Variants in USH2A observed in about 807,000 individuals in gnomAD.
USH2A encodes the protein usherin.
USH2A carries 443 observed loss-of-function variants against 538.9 expected under a neutral mutation model. The observed-to-expected ratio is 0.82, with a 90% CI of 0.76 to 0.89. USH2A has a LOEUF of 0.89. Among genes scored for constraint, USH2A ranks in the 40% least tolerant of loss-of-function variants. USH2A has a pLI of 0.00. For synonymous variants in USH2A, 2,413 were observed against 2,273.5 expected, an observed-to-expected ratio of 1.06 and a Z score of -1.75; for missense variants, 6,633 against 6,324.8, an observed-to-expected ratio of 1.05 and a Z score of -1.65.
At position 216,099,578 on chromosome 1, in the gene USH2A, A is replaced by G. The variant is rs1415725237; in HGVS notation, c.4628-2365T>C. The stretch of plus-strand genomic sequence containing the variant: ...TGTAGGGAGGAGACGTAACTTAGCT[A>G]CACAGAAAAGAGGTGAGTGCTGTGC... On this transcript the variant is annotated intron_variant, in intron 21 of 71. Transcript: ENST00000307340. Among the ~76,000 whole-genome samples the G allele has an allele frequency of 2.6e-5, 4 of 152,194 alleles. No homozygotes were observed. The South Asian group carries it at 8.3e-4, about 31-fold the overall frequency.
rs401269 is a variant in USH2A at position 216,174,110 on chromosome 1, C to A, written c.4627+1142G>T. 0.23 allele frequency: 222,329 copies of A among 984,212 alleles called. 25,378 individuals carry two copies. The highest frequency in any genetic ancestry group is 0.23 in the Non-Finnish European group (192,673 of 829,060). 61.0% of individuals were successfully genotyped at this position (984,212 alleles called of 1,614,324 possible). ...ATAATCATGATTCATTACCAAGGTGCATCAGCAGCCAGTCTCAATGAAAAG... is the reference window on the plus strand; with the variant it reads ...ATAATCATGATTCATTACCAAGGTGAATCAGCAGCCAGTCTCAATGAAAAG... On this transcript the variant is annotated intron_variant, in intron 21 of 71. Coordinates refer to ENST00000307340, the MANE Select transcript of USH2A (RefSeq NM_206933.4).
rs1208051101 is a variant in USH2A at position 215,658,085 on chromosome 1, C to T, written c.14134-7284G>A. ...AGTAGCCTGGGACTACAGGCGCACG[C>T]CACCCCGCCCGGCTAATTTTTTTGT... On this transcript the variant is annotated intron_variant, in intron 64 of 71. Transcript: ENST00000307340. 2.0e-5 allele frequency among the ~76,000 whole-genome samples: 3 copies of T among 151,862 alleles called. No individual in the cohort carries two copies. In the East Asian group the frequency reaches 5.8e-4, roughly 30 times the overall value.
At chr1:216,071,225 C>T (rs368386856) in intron 29 of USH2A, among the ~76,000 whole-genome samples, 19 of 152,174 alleles carry the variant, frequency 1.2e-4, no homozygotes, top group African/African-American at 3.4e-4. Flanking sequence ...TCCTCCTCTC[C>T]GACTTTACTG....
intron 49 of USH2A, among the ~76,000 whole-genome samples, chr1:215,802,014 G>A (rs1662348233): frequency 2.3e-5 from 3 of 133,250 alleles, no homozygotes; most frequent in South Asian, 4.7e-4. Flanking sequence ...ACCATTTAAT[G>A]AGGAAAGGAC....
chr1:215,750,820 T>C (rs930266992), intron 58 of USH2A, among the ~76,000 whole-genome samples: 5 of 152,074 alleles, frequency 3.3e-5, no homozygotes, highest in African/African-American at 7.2e-5. Flanking sequence ...TTTTCATTAG[T>C]AAAATGAGCA....
chr1:216,402,742 A>G (rs1328126679), intron 3 of USH2A, among the ~76,000 whole-genome samples: 1 of 152,170 alleles, frequency 6.6e-6, no homozygotes, highest in Non-Finnish European at 1.5e-5. Flanking sequence ...ATTAGTAGTT[A>G]CATTTTGGGG....
At chr1:216,248,439 A>G (rs2036094572) in intron 12 of USH2A, among the ~76,000 whole-genome samples, 1 of 152,050 alleles carries the variant, frequency 6.6e-6, no homozygotes, top group Admixed American at 6.6e-5. Context: ...ATTTCAAGCT[A>G]TAATTGCAAT....
At chr1:216,094,891 A>T (rs992271984) in intron 22 of USH2A, among the ~76,000 whole-genome samples, 2 of 152,042 alleles carry the variant, frequency 1.3e-5, no homozygotes, top group Non-Finnish European at 2.9e-5. Flanking sequence ...GTAAAATGGG[A>T]ATATGAAGAG....
chr1:216,174,374 C>G (rs915604853), intron 21 of USH2A: 7 of 984,378 alleles, frequency 7.1e-6, no homozygotes, highest in Non-Finnish European at 7.2e-6. Flanking sequence ...TTTTTTACAG[C>G]TATATTGAAA....
At chr1:215,683,992 C>T (rs1658332465) in intron 61 of USH2A, among the ~76,000 whole-genome samples, 1 of 152,134 alleles carries the variant, frequency 6.6e-6, no homozygotes, top group African/African-American at 2.4e-5. Flanking sequence ...TGTTAGGCAG[C>T]AGATGAAGAA....
In USH2A at chr1:216,340,913, C is replaced by T. The variant is rs373271805; in HGVS notation, c.785-13259G>A. ...ATACTGAATGGGCAAAAGCTGGAAGCATTCCCTTTGAAAACTGGCACAAGA... is the reference window on the plus strand; with the variant it reads ...ATACTGAATGGGCAAAAGCTGGAAGTATTCCCTTTGAAAACTGGCACAAGA... On this transcript the variant is annotated intron_variant, in intron 4 of 71. Transcript: ENST00000307340. 9.9e-5 allele frequency among the ~76,000 whole-genome samples: 15 copies of T among 152,212 alleles called. 1 individual carries two copies. Among genetic ancestry groups the T allele is most frequent in the Admixed American group, 4.6e-4 (7 of 15,282 alleles).
At chr1:216,314,371 T>C (rs1408120169) in intron 9 of USH2A, among the ~76,000 whole-genome samples, 1 of 152,062 alleles carries the variant, frequency 6.6e-6, no homozygotes, top group Non-Finnish European at 1.5e-5. Context: ...ATATATCAAA[T>C]GTAGATCCTA....
chr1:215,998,864 G>T, intron 34 of USH2A, 23 bp downstream of exon 34: 1 of 1,609,806 alleles, frequency 6.2e-7, no homozygotes. Flanking sequence ...TGGGGACAGA[G>T]AAAGTGATGG....
chr1:215,702,498 C>T (rs35869639), intron 61 of USH2A, among the ~76,000 whole-genome samples: 66,588 of 151,630 alleles, frequency 0.44, 14,869 homozygotes, highest in Middle Eastern at 0.57. Flanking sequence ...CCCCATATTT[C>T]TTGGAGCCTT....
At chr1:215,838,985 T>G (rs1266143866) in intron 46 of USH2A, among the ~76,000 whole-genome samples, 1 of 152,218 alleles carries the variant, frequency 6.6e-6, no homozygotes, top group Non-Finnish European at 1.5e-5. Context: ...CAGTTCTCTG[T>G]TCCTTTGGTG....
intron 58 of USH2A, among the ~76,000 whole-genome samples, chr1:215,751,352 C>T (rs1660615664): frequency 6.6e-6 from 1 of 152,038 alleles, no homozygotes; most frequent in Admixed American, 6.6e-5. Flanking sequence ...AGGAAAAGCA[C>T]CAGTATTTCT....
chr1:215,681,696 T>C (rs1571954473), intron 61 of USH2A, among the ~76,000 whole-genome samples: 1 of 152,144 alleles, frequency 6.6e-6, no homozygotes, highest in Non-Finnish European at 1.5e-5. Flanking sequence ...AACAAAACAA[T>C]GTAGAAATAG....
chr1:216,339,114 T>C (rs183930803), intron 4 of USH2A, among the ~76,000 whole-genome samples: 24 of 151,634 alleles, frequency 1.6e-4, no homozygotes, highest in Non-Finnish European at 3.0e-4. Context: ...AAGCTAACTC[T>C]CCACATGGAA....
chr1:216,103,199 G>A (rs1195157528), intron 21 of USH2A, among the ~76,000 whole-genome samples: 2 of 152,244 alleles, frequency 1.3e-5, no homozygotes, highest in Non-Finnish European at 2.9e-5. Flanking sequence ...CAGGCCCACT[G>A]GGGGCCCAGT....
Sources: gnomAD v4.1 joint callset for allele counts (sites outside exome capture counted in the v4.1 genomes callset) on GRCh38, gnomAD v4.1.1 for gene constraint, MANE v1.5 for transcripts, NCBI Gene and HGNC (gene_info 2026-07-23, HGNC 2026-07-21) for gene names.